The following LRP1B variants were observed in gnomAD, a reference collection of about 807,000 sequenced individuals.
LRP1B encodes low-density lipoprotein receptor-related protein 1B.
A neutral mutation model predicts 556.6 loss-of-function variants in LRP1B; 217 were observed. The observed-to-expected ratio is 0.39, with a 90% CI of 0.35 to 0.44. LRP1B has a LOEUF of 0.44. Ranked by LOEUF, LRP1B falls within the 20% of genes least tolerant of loss-of-function variation. LRP1B has a pLI of 1.00. For synonymous variants in LRP1B, 2,047 were observed against 1,865.8 expected (o/e 1.10, Z -2.50); for missense variants, 5,053 against 5,620.8 (o/e 0.90, Z 3.23).
chr2:141,864,932 T>C (rs958633850), intron 1 of LRP1B, among the ~76,000 whole-genome samples: 2 of 151,938 alleles, frequency 1.3e-5, no homozygotes, highest in South Asian at 4.2e-4. Context: ...AAATGTGGTG[T>C]TGTATTGTTA....
rs751045085 is a variant in LRP1B at position 140,350,916 on chromosome 2, C to T, written c.11773G>A (p.Gly3925Arg). 1 of 1,611,270 alleles carries T rather than the reference C, an allele frequency of 6.2e-7. No individual in the cohort carries two copies. The highest frequency in any genetic ancestry group is 8.5e-7 in the Non-Finnish European group (1 of 1,178,084). Residue 3925 changes from glycine (G) to arginine (R), a missense_variant, in exon 77 of 91, where the codon GGG (glycine) becomes AGG (arginine). Coordinates refer to ENST00000389484, the MANE Select transcript of LRP1B (RefSeq NM_018557.3). ...TCTCTTTGATAATATACATCCATCCCTGTTATTCTTGAATTATGTTCAATA... is the reference window on the plus strand; with the variant it reads ...TCTCTTTGATAATATACATCCATCCTTGTTATTCTTGAATTATGTTCAATA... ...SHIEHNSRIT[G>R]MDVYYQRDMI...
intron 2 of LRP1B, among the ~76,000 whole-genome samples, chr2:141,609,236 T>C (rs369308917): frequency 1.3e-5 from 2 of 152,196 alleles, no homozygotes; most frequent in Non-Finnish European, 2.9e-5. Flanking sequence ...TGGCATGAGA[T>C]GTATAGGAGA....
At chr2:141,654,730 CCTT>C (rs1689938561) in intron 2 of LRP1B, among the ~76,000 whole-genome samples, 1 of 152,078 alleles carries the variant, frequency 6.6e-6, no homozygotes, top group Non-Finnish European at 1.5e-5. Context: ...TCCTAGGGGT[CCTT>C]AAGTGTCACA....
intron 1 of LRP1B, among the ~76,000 whole-genome samples, chr2:142,085,506 G>A (rs1246334617): frequency 1.3e-5 from 2 of 152,060 alleles, no homozygotes; most frequent in Non-Finnish European, 2.9e-5. Context: ...TCCCATACAT[G>A]AAGATTATTA....
chr2:140,695,603 T>C (rs1686403041), intron 41 of LRP1B, among the ~76,000 whole-genome samples: 1 of 152,210 alleles, frequency 6.6e-6, no homozygotes, highest in African/African-American at 2.4e-5. Context: ...TCTTGCTTTT[T>C]GAGATTAGCT....
chr2:140,542,112 C>G (rs1287713655), intron 43 of LRP1B, 141 bp from the exon 44 acceptor site: 7 of 544,260 alleles, frequency 1.3e-5, no homozygotes, highest in Non-Finnish European at 2.2e-5. Flanking sequence ...TAAAATTTTA[C>G]TAAATGAATT....
At chr2:141,453,402 A>G (rs1341684731) in intron 3 of LRP1B, among the ~76,000 whole-genome samples, 1 of 151,910 alleles carries the variant, frequency 6.6e-6, no homozygotes, top group Non-Finnish European at 1.5e-5. Context: ...TCCAATTTCC[A>G]CTTCTCAACT....
intron 7 of LRP1B, among the ~76,000 whole-genome samples, chr2:141,116,695 T>C (rs1463968980): frequency 6.6e-6 from 1 of 151,260 alleles, no homozygotes; most frequent in African/African-American, 2.4e-5. Flanking sequence ...TTTGATTTCC[T>C]TGAAGTAATA....
At chr2:140,286,333 C>G (rs987260477) in intron 84 of LRP1B, among the ~76,000 whole-genome samples, 8 of 151,702 alleles carry the variant, frequency 5.3e-5, no homozygotes, top group African/African-American at 1.5e-4. Flanking sequence ...GGTTTGTGTT[C>G]AGATGGAGGA....
intron 20 of LRP1B, among the ~76,000 whole-genome samples, chr2:140,947,287 T>C (rs145823788): frequency 6.6e-6 from 1 of 152,340 alleles, no homozygotes; most frequent in Non-Finnish European, 1.5e-5. Context: ...CATTTCCCAG[T>C]TTCTCCTCCT....
Position 140,279,007 on chromosome 2 carries a change from C to T in LRP1B, c.12968-4409G>A, listed in dbSNP as rs1427204559. On this transcript the variant is annotated intron_variant, in intron 84 of 90. Transcript: ENST00000389484. ...AGATGTTTGACTGGACTGTGTTCTGCACCCCGGTTAGGATTCTAGGGCCTA... is the reference window on the plus strand; with the variant it reads ...AGATGTTTGACTGGACTGTGTTCTGTACCCCGGTTAGGATTCTAGGGCCTA... Among the ~76,000 whole-genome samples, 3 of 151,944 alleles carry T rather than the reference C, an allele frequency of 2.0e-5. No homozygotes were observed. In the East Asian group the frequency reaches 5.8e-4, roughly 29 times the overall value.
intron 45 of LRP1B, among the ~76,000 whole-genome samples, chr2:140,536,990 G>A (rs1056462684): frequency 1.3e-5 from 2 of 150,356 alleles, no homozygotes; most frequent in African/African-American, 4.9e-5. Context: ...TAGATAACAT[G>A]GTGAAACCCC....
At chr2:140,906,290 G>A (rs1292074993) in intron 22 of LRP1B, among the ~76,000 whole-genome samples, 1 of 152,064 alleles carries the variant, frequency 6.6e-6, no homozygotes, top group Non-Finnish European at 1.5e-5. Context: ...GATAAGAAGT[G>A]CTTTTCAATT....
At position 140,485,646 on chromosome 2, in the gene LRP1B, A is replaced by G. The variant is rs1380013084; in HGVS notation, c.9244-122T>C. 8.8e-6 allele frequency: 6 copies of G among 678,738 alleles called. No individual in the cohort carries two copies. In the East Asian group the frequency reaches 1.7e-4, roughly 20 times the overall value. The allele number at this position is 678,738 out of a possible 1,614,324, so 42.0% of individuals were successfully genotyped here. A position where few individuals can be genotyped will look rare whatever the true frequency, so the allele number is the denominator to read the frequency against. On this transcript the variant is annotated intron_variant, in intron 58 of 90. Coordinates refer to ENST00000389484, the MANE Select transcript of LRP1B (RefSeq NM_018557.3). ...TAAATGTAAAGAATGGAACTTAGAT[A>G]AGAAGAGAATAATTGACCGCAATAC... is the stretch of plus-strand genomic sequence containing the variant.
chr2:141,036,190 CTT>C (rs1386524526), intron 11 of LRP1B, among the ~76,000 whole-genome samples: 1 of 151,798 alleles, frequency 6.6e-6, no homozygotes, highest in Non-Finnish European at 1.5e-5. Context: ...AAGTATTACT[CTT>C]TGTCAGAGCA....
chr2:140,247,291 A>C (rs1375659920), intron 86 of LRP1B, 129 bp from the exon 87 acceptor site: 1 of 649,136 alleles, frequency 1.5e-6, no homozygotes, highest in Non-Finnish European at 2.8e-6. Flanking sequence ...AATATTACAT[A>C]GAGATTTCTG....
rs1574625575 is a variant in LRP1B, at chr2:142,042,733, T to C, written c.82+87915A>G. ...TGTGTTGGTCTAACCACCTGAATTCTATCCAAACCCACCATGATTTGGAAT... is the reference window on the plus strand; with the variant it reads ...TGTGTTGGTCTAACCACCTGAATTCCATCCAAACCCACCATGATTTGGAAT... On this transcript the variant is annotated intron_variant, in intron 1 of 90. Transcript: ENST00000389484. Among the ~76,000 whole-genome samples, 4 of 151,602 alleles carry C rather than the reference T, an allele frequency of 2.6e-5. No individual in the cohort carries two copies. The South Asian group carries it at 8.3e-4, about 31-fold the overall frequency.
intron 31 of LRP1B, among the ~76,000 whole-genome samples, chr2:140,838,410 C>A (rs948050339): frequency 2.0e-5 from 3 of 152,028 alleles, no homozygotes; most frequent in Admixed American, 2.0e-4. Flanking sequence ...CCCTGACTTT[C>A]AATTATGTAA....
intron 2 of LRP1B, among the ~76,000 whole-genome samples, chr2:141,516,062 T>C (rs2105162094): frequency 6.6e-6 from 1 of 152,300 alleles, no homozygotes; most frequent in East Asian, 1.9e-4. Context: ...GTTAATATTT[T>C]TTTTGGAGTA....
Sources: gnomAD v4.1 joint callset for allele counts (sites outside exome capture counted in the v4.1 genomes callset) on GRCh38, gnomAD v4.1.1 for gene constraint, MANE v1.5 for transcripts, NCBI Gene and HGNC (gene_info 2026-07-23, HGNC 2026-07-21) for gene names.